The following SLC22A5 variants were observed in gnomAD, a reference collection of about 807,000 sequenced individuals.
The protein encoded by SLC22A5 is organic cation/carnitine transporter 2.
A neutral mutation model predicts 56.7 loss-of-function variants in SLC22A5; 44 were observed. That is an observed-to-expected ratio of 0.78 (90% CI 0.61 to 1.00). SLC22A5 has a LOEUF of 1.00. Ranked by LOEUF, SLC22A5 falls within the 50% of genes least tolerant of loss-of-function variation. The pLI is 0.00. For missense variants in SLC22A5, 675 were observed against 723.0 expected, an observed-to-expected ratio of 0.93 and a Z score of 0.76; for synonymous variants, 278 against 292.1, an observed-to-expected ratio of 0.95 and a Z score of 0.49.
At chr5:132,377,499 T>C (rs1200166082) in intron 1 of SLC22A5, 3 of 152,364 alleles carry the variant, frequency 2.0e-5, no homozygotes, top group Non-Finnish European at 4.4e-5. Context: ...CCGTTTGGGC[T>C]TTCTTCCTGC....
chr5:132,383,989 T>C, intron 2 of SLC22A5, 158 bp from the exon 3 acceptor site: 1 of 734,840 alleles, frequency 1.4e-6, no homozygotes, highest in East Asian at 2.6e-5. Context: ...AGAAATAGCA[T>C]GGGCACTGTG....
Position 132,392,561 on chromosome 5 carries a change from A to G in SLC22A5, c.1396A>G (p.Ser466Gly). The change falls in exon 8 of 10, where the codon AGC becomes GGC. Residue 466 changes from serine (S) to glycine (G), a missense_variant. By Grantham distance (56) the Ser-to-Gly change is moderately conservative. Transcript: ENST00000245407. ...TVVRNMGVGV[S>G]STASRLGSIL... is the part of the protein sequence containing the mutation. ...GGTGAGAAACATGGGTGTGGGAGTC[A>G]GCTCCACAGCATCCCGCCTGGGCAG... 1 of 1,614,194 alleles carries G rather than the reference A, an allele frequency of 6.2e-7. No individual in the cohort carries two copies. The highest frequency in any genetic ancestry group is 8.5e-7 in the Non-Finnish European group (1 of 1,180,026).
At chr5:132,387,300 C>T (rs1241013107) in intron 5 of SLC22A5, 149 bp downstream of exon 5, 1 of 837,488 alleles carries the variant, frequency 1.2e-6, no homozygotes, top group Non-Finnish European at 2.0e-6. Context: ...CCCCCCACTC[C>T]CCACCCCCAC....
chr5:132,393,744 T>G lies in SLC22A5; in HGVS notation c.1519T>G (p.Leu507Val), dbSNP rs754704279. Residue 507 changes from leucine to valine, a missense_variant, in exon 9 of 10, where the codon TTG becomes GTG. Transcript: ENST00000245407. Reference protein sequence around the residue: ...SLTILTAILTLFLPESFGTPL... With the variant: ...SLTILTAILTVFLPESFGTPL... ...GACCATCCTGACAGCCATCCTCACC[T>G]TGTTTCTCCCAGAGAGCTTCGGTAC... 5 of 1,614,170 alleles carry G rather than the reference T, an allele frequency of 3.1e-6. No homozygotes were observed. Among genetic ancestry groups the G allele is most frequent in the Non-Finnish European group, 4.2e-6 (5 of 1,180,020 alleles).
At chr5:132,370,953 C>CTTTTTTTTTTTTTTTT (rs750736082) in intron 1 of SLC22A5, among the ~76,000 whole-genome samples, 27 of 133,792 alleles carry the variant, frequency 2.0e-4, no homozygotes, top group African/African-American at 5.4e-4. Flanking sequence ...AGTTGTCAGT[C>CTTTTTTTTTTTTTTTT]TTTTTTTTTT....
chr5:132,378,237 T>C lies in SLC22A5; in HGVS notation c.394-141T>C, dbSNP rs1561566541. ...CCTGCTCTCTGCCTTCCTGCCCAGG[T>C]GAGCCATCACCTGACTAAGTGAGTT... On this transcript the variant is annotated intron_variant, in intron 1 of 9. Transcript: ENST00000245407. 6.2e-7 allele frequency: 1 copy of C among 1,613,970 alleles called. No individual in the cohort carries two copies. The highest frequency in any genetic ancestry group is 1.1e-5 in the South Asian group (1 of 91,090).
rs1048572169 is a variant in SLC22A5 at position 132,385,230 on chromosome 5, C to T, written c.653-98C>T. On this transcript the variant is annotated intron_variant, in intron 3 of 9. Transcript: ENST00000245407. The stretch of plus-strand genomic sequence containing the variant: ...GCCATGAACTTAGAGAGAGTTCTCG[C>T]TGTTTTCTTGTCTGTGTATTCACAA... 1.6e-5 allele frequency: 18 copies of T among 1,103,058 alleles called. No individual in the cohort carries two copies. The East Asian group carries it at 2.4e-4, about 14-fold the overall frequency. 68.3% of individuals were successfully genotyped at this position (1,103,058 alleles called of 1,614,324 possible).
intron 3 of SLC22A5, 64 bp downstream of exon 3, chr5:132,384,365 C>A: frequency 6.6e-7 from 1 of 1,516,554 alleles, no homozygotes; most frequent in Non-Finnish European, 9.2e-7. Flanking sequence ...CATCACCTAC[C>A]TTTCTGGAGA....
intron 5 of SLC22A5, among the ~76,000 whole-genome samples, chr5:132,388,563 G>A (rs1752604787): frequency 6.6e-6 from 1 of 152,144 alleles, no homozygotes; most frequent in Non-Finnish European, 1.5e-5. Context: ...GACCCAGAGG[G>A]CAGGGAGCCA....
rs4646307 is a variant in SLC22A5, at chr5:132,395,211, C to CTTTTTTTT, written c.*949_*956dup. 9.7e-6 allele frequency: 1 copy of CTTTTTTTT among 103,508 alleles called. No individual in the cohort carries two copies. The allele number at this position is 103,508 out of a possible 1,614,324, so 6.4% of individuals were successfully genotyped here. A position where few individuals can be genotyped will look rare whatever the true frequency, so the allele number is the denominator to read the frequency against. ...GGTTCCTTAGCCTCCTGGTTTGTGT[C>CTTTTTTTT]TTTTTTTTTTTTTTTTTAAAACAGA... On this transcript the variant is annotated 3_prime_UTR_variant, in exon 10 of 10. Transcript: ENST00000245407.
intron 4 of SLC22A5, among the ~76,000 whole-genome samples, chr5:132,386,815 C>A (rs1752548019): frequency 6.6e-6 from 1 of 152,188 alleles, no homozygotes. Context: ...AGGGCTCTCC[C>A]ATTTTTGTGC....
intron 2 of SLC22A5, chr5:132,379,001 G>A (rs750621148): frequency 8.3e-5 from 14 of 169,168 alleles, no homozygotes; most frequent in African/African-American, 1.7e-4. Context: ...TTAGCTAAGT[G>A]GCCTGTGGTT....
At chr5:132,386,085 C>A (rs60655352) in intron 4 of SLC22A5, among the ~76,000 whole-genome samples, 1 of 152,170 alleles carries the variant, frequency 6.6e-6, no homozygotes, top group Non-Finnish European at 1.5e-5. Context: ...GAGAGTAAGC[C>A]GCACATCATG....
At chr5:132,375,917 A>G (rs60212139) in intron 1 of SLC22A5, among the ~76,000 whole-genome samples, 4,123 of 152,310 alleles carry the variant, frequency 0.027, 127 homozygotes, top group African/African-American at 0.077. Flanking sequence ...ATCAGCCAGT[A>G]TAGCCCATCC....
intron 1 of SLC22A5, among the ~76,000 whole-genome samples, chr5:132,372,843 C>T (rs671473): frequency 7.2e-5 from 11 of 152,128 alleles, no homozygotes; most frequent in African/African-American, 2.6e-4. Flanking sequence ...GGCCTGCTGA[C>T]CACTGCATCT....
chr5:132,394,589 A>G lies in SLC22A5; in HGVS notation c.*317A>G, dbSNP rs1267331334. The G allele has an allele frequency of 9.8e-6, 4 of 409,640 alleles. No individual in the cohort carries two copies. The highest frequency in any genetic ancestry group is 3.1e-5 in the South Asian group (1 of 32,576). 25.4% of individuals were successfully genotyped at this position (409,640 alleles called of 1,614,324 possible). A position where few individuals can be genotyped will look rare whatever the true frequency, so the allele number is the denominator to read the frequency against. ...TGAGATCTGGAGGAATGTGAGAAGC[A>G]TATGCTAAATGTACATTTTAATTTT... On this transcript the variant is annotated 3_prime_UTR_variant, in exon 10 of 10. Transcript: ENST00000245407.
At chr5:132,377,425 A>G (rs1752183428) in intron 1 of SLC22A5, 1 of 152,248 alleles carries the variant, frequency 6.6e-6, no homozygotes, top group Admixed American at 6.5e-5. Context: ...TGCAAAGGTT[A>G]CTACTGAGCA....
intron 1 of SLC22A5, 40 bp downstream of exon 1, chr5:132,370,405 G>A: frequency 6.2e-7 from 1 of 1,604,498 alleles, no homozygotes; most frequent in Non-Finnish European, 8.5e-7. Context: ...CCAGGGCTCG[G>A]AGGACCTGTC....
chr5:132,391,854 G>A (rs141507305), intron 7 of SLC22A5, among the ~76,000 whole-genome samples: 352 of 152,300 alleles, frequency 2.3e-3, no homozygotes, highest in Middle Eastern at 0.01. Flanking sequence ...AACACTGCAC[G>A]GGAACAGCTC....
Sources: allele counts gnomAD v4.1 joint callset (sites outside exome capture counted in the v4.1 genomes callset), GRCh38; gene constraint gnomAD v4.1.1; transcripts MANE v1.5; gene names NCBI Gene and HGNC (gene_info 2026-07-23, HGNC 2026-07-21).